PHF24: variants seen among roughly 807,000 people sequenced by gnomAD.
PHF24 encodes the protein Galpha inhibitory interacting protein.
Under a neutral mutation model 42.6 loss-of-function variants are expected in PHF24, and 25 were observed. The observed-to-expected ratio is 0.59, with a 90% CI of 0.43 to 0.82. PHF24 has a LOEUF of 0.82. PHF24 is among the 40% of genes least tolerant of loss of function. The pLI, the probability that PHF24 is intolerant of heterozygous loss-of-function variation, is 0.00. For synonymous variants in PHF24, 185 were observed against 204.8 expected (o/e 0.90, Z 0.83); for missense variants, 470 against 538.1 (o/e 0.87, Z 1.25).
chr9:34,964,946 G>A lies in PHF24; in HGVS notation c.-4-6349G>A, dbSNP rs562600304. On this transcript the variant is annotated intron_variant, in intron 1 of 7. Coordinates refer to ENST00000242315, the Ensembl canonical transcript of PHF24. ...GACAATATCTTTTTGGCCTCTTTTCGTCATTTTTAGGGAGGCAGAAACCCC... is the reference window on the plus strand; with the variant it reads ...GACAATATCTTTTTGGCCTCTTTTCATCATTTTTAGGGAGGCAGAAACCCC... 7.9e-5 allele frequency among the ~76,000 whole-genome samples: 12 copies of A among 152,054 alleles called. No individual in the cohort carries two copies. The South Asian group carries it at 1.0e-3, about 13-fold the overall frequency.
the PHF24 span, among the ~76,000 whole-genome samples, chr9:34,801,582 C>T: frequency 6.6e-6 from 1 of 152,044 alleles, no homozygotes; most frequent in African/African-American, 2.4e-5. Flanking sequence ...AAAAAACTAG[C>T]CAGGCTTGGT....
At chr9:34,926,488 A>G in the PHF24 span, among the ~76,000 whole-genome samples, 9 of 152,192 alleles carry the variant, frequency 5.9e-5, no homozygotes, top group African/African-American at 2.2e-4. This position sits in a 1 kb window ranked among gnomAD's most constrained non-coding sequence, Gnocchi z 4.3. Context: ...CCCAGGACAC[A>G]GCTGCACAAC....
the PHF24 span, among the ~76,000 whole-genome samples, chr9:34,852,562 A>T: frequency 6.6e-6 from 1 of 152,182 alleles, no homozygotes; most frequent in Non-Finnish European, 1.5e-5. Context: ...GTTCATTGTC[A>T]GTTTCTTTTC....
the PHF24 span, among the ~76,000 whole-genome samples, chr9:34,814,305 C>A: frequency 6.6e-6 from 1 of 152,078 alleles, no homozygotes; most frequent in Non-Finnish European, 1.5e-5. Context: ...CACTAATCAC[C>A]GTTGAGAGAG....
At chr9:34,687,671 C>T in the PHF24 span, among the ~76,000 whole-genome samples, 2 of 152,180 alleles carry the variant, frequency 1.3e-5, no homozygotes, top group African/African-American at 4.8e-5. Flanking sequence ...TGTGTTCCTC[C>T]GATAGTCCAG....
the PHF24 span, among the ~76,000 whole-genome samples, chr9:34,739,865 C>G: frequency 6.6e-6 from 1 of 152,110 alleles, no homozygotes; most frequent in African/African-American, 2.4e-5. Context: ...GCCAAGTGGT[C>G]TGTTTTGACA....
chr9:34,839,026 G>A, the PHF24 span, among the ~76,000 whole-genome samples: 2 of 152,200 alleles, frequency 1.3e-5, no homozygotes, highest in Non-Finnish European at 1.5e-5. Context: ...ACAGAGGTGC[G>A]GGAAGGGGAT....
the PHF24 span, among the ~76,000 whole-genome samples, chr9:34,840,557 T>C: frequency 2.0e-5 from 3 of 150,362 alleles, no homozygotes; most frequent in Admixed American, 1.3e-4. Context: ...TTCTTCTTCT[T>C]CTGACAAGGT....
At chr9:34,733,617 C>T in the PHF24 span, among the ~76,000 whole-genome samples, 20 of 152,090 alleles carry the variant, frequency 1.3e-4, no homozygotes, top group Non-Finnish European at 2.1e-4. Context: ...CTTCCCACCT[C>T]AGCCTCCCTA....
chr9:34,976,213 G>A (rs753629419), exon 4 of PHF24: 67 of 1,613,860 alleles, frequency 4.2e-5, no homozygotes, highest in Middle Eastern at 3.3e-4. Flanking sequence ...ACCTTTCAGC[G>A]GTGTAAAGTC....
chr9:34,701,396 GA>G, the PHF24 span, among the ~76,000 whole-genome samples: 5 of 152,178 alleles, frequency 3.3e-5, no homozygotes, highest in Non-Finnish European at 7.4e-5. The surrounding 1 kb of genome is among the most constrained non-coding windows in gnomAD (Gnocchi z 5.8). Context: ...CATGTGTGCG[GA>G]TGTGTGTCCG....
chr9:34,941,882 T>C, the PHF24 span, among the ~76,000 whole-genome samples: 2 of 152,180 alleles, frequency 1.3e-5, no homozygotes, highest in African/African-American at 4.8e-5. Flanking sequence ...TTCAAAATTT[T>C]GAAGGGACAC....
chr9:34,803,922 T>G, the PHF24 span, among the ~76,000 whole-genome samples: 28 of 152,262 alleles, frequency 1.8e-4, no homozygotes, highest in South Asian at 8.3e-4. Flanking sequence ...TGGAAGAAAT[T>G]TCTAAGATTT....
the PHF24 span, among the ~76,000 whole-genome samples, chr9:34,829,873 A>G: frequency 1.3e-5 from 2 of 152,234 alleles, no homozygotes; most frequent in African/African-American, 4.8e-5. Context: ...ATGTATAGTG[A>G]TAACGTTCCC....
chr9:34,818,381 A>G, the PHF24 span, among the ~76,000 whole-genome samples: 1 of 152,112 alleles, frequency 6.6e-6, no homozygotes, highest in African/African-American at 2.4e-5. Context: ...TGTTTTTGTC[A>G]TGAACAATCT....
At chr9:34,916,003 GC>G in the PHF24 span, among the ~76,000 whole-genome samples, 2 of 152,032 alleles carry the variant, frequency 1.3e-5, no homozygotes, top group African/African-American at 4.8e-5. Context: ...AGGGGCTTCT[GC>G]CTTCGTTCGG....
At chr9:34,812,653 G>C in the PHF24 span, among the ~76,000 whole-genome samples, 16 of 152,328 alleles carry the variant, frequency 1.1e-4, no homozygotes, top group African/African-American at 3.8e-4. Context: ...CTAGAAACAA[G>C]TTCTGAAGAT....
At chr9:34,861,098 G>GA in the PHF24 span, among the ~76,000 whole-genome samples, 3 of 151,906 alleles carry the variant, frequency 2.0e-5, no homozygotes, top group African/African-American at 4.8e-5. Flanking sequence ...CAGCTGGGCA[G>GA]AAAAAAAATC....
chr9:34,717,906 C>G, the PHF24 span, among the ~76,000 whole-genome samples: 1 of 152,192 alleles, frequency 6.6e-6, no homozygotes, highest in African/African-American at 2.4e-5. Context: ...TGTCCTTACT[C>G]TGAACTAGTT....
Sources: allele counts gnomAD v4.1 joint callset (sites outside exome capture counted in the v4.1 genomes callset), GRCh38; gene constraint gnomAD v4.1.1; non-coding constraint Gnocchi (gnomAD v3.1); transcripts MANE v1.5; gene names NCBI Gene and HGNC (gene_info 2026-07-23, HGNC 2026-07-21).